The following CAMK4 variants were observed in gnomAD, a reference collection of about 807,000 sequenced individuals.
CAMK4 encodes the protein calcium/calmodulin dependent protein kinase IV.
A neutral mutation model predicts 44.9 loss-of-function variants in CAMK4; 22 were observed. The observed-to-expected ratio is 0.49, with a 90% CI of 0.35 to 0.70. The LOEUF (loss-of-function observed/expected upper bound fraction) is 0.70. Ranked by LOEUF, CAMK4 falls within the 30% of genes least tolerant of loss-of-function variation. The pLI is 0.01. For missense variants in CAMK4, 498 were observed against 586.8 expected (o/e 0.85, Z 1.56); for synonymous variants, 218 against 215.4 (o/e 1.01, Z -0.11).
intron 1 of CAMK4, among the ~76,000 whole-genome samples, chr5:111,243,920 A>G (rs930914292): frequency 2.0e-5 from 3 of 152,202 alleles, no homozygotes; most frequent in Non-Finnish European, 2.9e-5. Context: ...TTAGAGCTGG[A>G]TAGAACTTTA....
intron 1 of CAMK4, among the ~76,000 whole-genome samples, chr5:111,283,505 A>G (rs1223440926): frequency 6.6e-6 from 1 of 152,210 alleles, no homozygotes; most frequent in East Asian, 1.9e-4. Context: ...CTCCACTATT[A>G]TCCCCAATAA....
chr5:111,342,939 T>C lies in CAMK4; in HGVS notation c.162-1085T>C, dbSNP rs543486826. Among the ~76,000 whole-genome samples, 504 of 151,804 alleles carry C rather than the reference T, an allele frequency of 3.3e-3. 2 individuals carry two copies. Among genetic ancestry groups the C allele is most frequent in the African/African-American group, 0.012 (496 of 41,512 alleles). ...GTACATTTTTTATTTTTACACATGC[T>C]AGAAACACAATGCATTTTTAATTTT... On this transcript the variant is annotated intron_variant, in intron 1 of 10. Coordinates refer to ENST00000282356, the MANE Select transcript of CAMK4 (RefSeq NM_001744.6).
chr5:111,412,211 T>A (rs1031101117), intron 5 of CAMK4, among the ~76,000 whole-genome samples: 3 of 152,058 alleles, frequency 2.0e-5, no homozygotes, highest in African/African-American at 7.2e-5. Flanking sequence ...ATGCCACTAA[T>A]AAGAAAGTCG....
At chr5:111,247,739 C>G (rs1749304575) in intron 1 of CAMK4, among the ~76,000 whole-genome samples, 1 of 152,046 alleles carries the variant, frequency 6.6e-6, no homozygotes, top group African/African-American at 2.4e-5. Context: ...GGATAATCTA[C>G]TTTAGTGTTG....
Position 111,417,211 on chromosome 5 carries a change from C to T in CAMK4, c.459+22429C>T, listed in dbSNP as rs115478398. On this transcript the variant is annotated intron_variant, in intron 5 of 10. Coordinates refer to ENST00000282356, the MANE Select transcript of CAMK4 (RefSeq NM_001744.6). ...GAGTGGCTGAGACTATAGGCATGTGCCATCACACCCAGCTAATTTTTTTTT... is the reference window on the plus strand; with the variant it reads ...GAGTGGCTGAGACTATAGGCATGTGTCATCACACCCAGCTAATTTTTTTTT... Among the ~76,000 whole-genome samples the T allele has an allele frequency of 4.1e-3, 601 of 146,230 alleles. 6 individuals are homozygous for T. The highest frequency in any genetic ancestry group is 0.015 in the African/African-American group (570 of 39,112).
At chr5:111,389,803 A>G (rs1751736160) in intron 4 of CAMK4, among the ~76,000 whole-genome samples, 1 of 152,188 alleles carries the variant, frequency 6.6e-6, no homozygotes, top group Non-Finnish European at 1.5e-5. Context: ...CTTTTAACAA[A>G]ACTGGAGAAA....
intron 2 of CAMK4, among the ~76,000 whole-genome samples, chr5:111,373,839 C>T (rs576201967): frequency 1.2e-4 from 18 of 152,210 alleles, no homozygotes; most frequent in Admixed American, 3.9e-4. Context: ...TCATATCTAT[C>T]GATTGTTTTG....
At chr5:111,459,367 T>A (rs775636780) in intron 7 of CAMK4, among the ~76,000 whole-genome samples, 24 of 152,152 alleles carry the variant, frequency 1.6e-4, no homozygotes, top group Non-Finnish European at 3.1e-4. Flanking sequence ...GGCTATCTCC[T>A]TGGTTTGGGA....
At chr5:111,233,124 G>A (rs887721670) in intron 1 of CAMK4, among the ~76,000 whole-genome samples, 1 of 152,046 alleles carries the variant, frequency 6.6e-6, no homozygotes, top group Non-Finnish European at 1.5e-5. Flanking sequence ...AAAATCAAAC[G>A]GCTCCTAGGT....
intron 1 of CAMK4, among the ~76,000 whole-genome samples, chr5:111,323,875 C>T (rs912845150): frequency 3.3e-5 from 5 of 152,002 alleles, no homozygotes; most frequent in African/African-American, 1.2e-4. Flanking sequence ...TTATTCTGCC[C>T]TTACTATCTT....
intron 2 of CAMK4, among the ~76,000 whole-genome samples, chr5:111,353,097 T>G (rs1181114789): frequency 6.6e-6 from 1 of 151,958 alleles, no homozygotes; most frequent in African/African-American, 2.4e-5. Context: ...GAGTATATGG[T>G]TTATAGAAAG....
At chr5:111,433,339 G>T (rs1580746773) in intron 5 of CAMK4, among the ~76,000 whole-genome samples, 1 of 152,286 alleles carries the variant, frequency 6.6e-6, no homozygotes. Context: ...TCTCAGCAGG[G>T]ACTGCTGATT....
intron 2 of CAMK4, among the ~76,000 whole-genome samples, chr5:111,368,175 T>C (rs985621421): frequency 6.6e-6 from 1 of 152,140 alleles, no homozygotes; most frequent in Non-Finnish European, 1.5e-5. Flanking sequence ...GTATGTCTTA[T>C]GGGTTTCAGT....
chr5:111,363,587 G>A (rs557212716), intron 2 of CAMK4, among the ~76,000 whole-genome samples: 16 of 152,134 alleles, frequency 1.1e-4, no homozygotes, highest in African/African-American at 2.9e-4. Flanking sequence ...ATGACTCACC[G>A]TGTGTGTATG....
intron 4 of CAMK4, among the ~76,000 whole-genome samples, chr5:111,390,974 T>A (rs1751774598): frequency 6.6e-6 from 1 of 152,170 alleles, no homozygotes; most frequent in Non-Finnish European, 1.5e-5. Context: ...TCAAGTTATT[T>A]GGAAGAAGGA....
rs187619086 is a variant in CAMK4, at chr5:111,483,984, T to C, written c.982-42T>C. The C allele has an allele frequency of 1.6e-3, 2,408 of 1,460,832 alleles. 2 individuals are homozygous for C. The highest frequency in any genetic ancestry group is 1.9e-3 in the Non-Finnish European group (2,110 of 1,085,156). The allele number at this position is 1,460,832 out of a possible 1,614,324, so 90.5% of individuals were successfully genotyped here. A position where few individuals can be genotyped will look rare whatever the true frequency, so the allele number is the denominator to read the frequency against. On this transcript the variant is annotated intron_variant, in intron 10 of 10. Transcript: ENST00000282356. The stretch of plus-strand genomic sequence containing the variant: ...GGGGTTGAGCTCTGATGTGGGGTGT[T>C]AAAGCAGAGGTAACACTTGACACTC...
chr5:111,375,035 T>C, intron 3 of CAMK4, 123 bp downstream of exon 3: 2 of 689,136 alleles, frequency 2.9e-6, no homozygotes, highest in Non-Finnish European at 5.1e-6. Context: ...TACTATGTGC[T>C]AGCTCTTGTC....
At chr5:111,224,316 C>A, upstream of CAMK4, 1 of 1,024,048 alleles carries the variant, frequency 9.8e-7, no homozygotes, top group Non-Finnish European at 1.3e-6. The surrounding 1 kb of genome is among the most constrained non-coding windows in gnomAD (Gnocchi z 5.7). Context: ...TCGCCCCCTT[C>A]CCCGCCCACC....
intron 2 of CAMK4, among the ~76,000 whole-genome samples, chr5:111,363,672 A>C (rs1202766779): frequency 6.6e-6 from 1 of 151,974 alleles, no homozygotes; most frequent in African/African-American, 2.4e-5. Context: ...GGTGACTCTC[A>C]ATGAACCAAG....
Sources: gnomAD v4.1 joint callset for allele counts (sites outside exome capture counted in the v4.1 genomes callset) on GRCh38, gnomAD v4.1.1 for gene constraint, Gnocchi (gnomAD v3.1) non-coding constraint, MANE v1.5 for transcripts, NCBI Gene and HGNC (gene_info 2026-07-23, HGNC 2026-07-21) for gene names.